Variants in CDC25A observed in about 807,000 individuals in gnomAD.
CDC25A encodes M-phase inducer phosphatase 1.
In CDC25A, 17 loss-of-function variants were observed where a neutral mutation model predicts 64.6. The ratio of observed to expected loss-of-function variants is 0.26; its 90% confidence interval spans 0.18 to 0.39. CDC25A has a LOEUF of 0.39. Ranked by LOEUF, CDC25A falls within the 10% of genes least tolerant of loss-of-function variation. The pLI is 1.00. For synonymous variants in CDC25A, 229 were observed against 238.6 expected, an observed-to-expected ratio of 0.96 and a Z score of 0.37; for missense variants, 473 against 654.8, an observed-to-expected ratio of 0.72 and a Z score of 3.03.
Position 48,186,719 on chromosome 3 carries a change from G to C in CDC25A, c.231C>G (p.Ser77=), listed in dbSNP as rs745725461. ...CTTAAATACCTGAATCTGTTGACTCGGAGGAGCCCATTCTCTGCAGATTAC... is the reference window on the plus strand; with the variant it reads ...CTTAAATACCTGAATCTGTTGACTCCGAGGAGCCCATTCTCTGCAGATTAC... ...NNSNLQRMGS[S]ESTDSGFCLD... The change falls in exon 2 of 15, where the codon TCC becomes TCG. Residue 77 remains serine (S), a synonymous_variant. Transcript: ENST00000302506. 1 of 1,598,612 alleles carries C rather than the reference G, an allele frequency of 6.3e-7. No homozygotes were observed. Among genetic ancestry groups the C allele is most frequent in the Admixed American group, 1.7e-5 (1 of 59,152 alleles).
rs1260848265 is a variant in CDC25A at position 48,165,824 on chromosome 3, G to A, written c.1092+7C>T. ...ATGTGTGGTGGGTTTCAAAAGGATG[G>A]ACTTACAATTTCTGGAGAGATGTAT... On this transcript the variant is annotated splice_region_variant and intron_variant, in intron 11 of 14. Transcript: ENST00000302506. 1.9e-6 allele frequency: 3 copies of A among 1,606,176 alleles called. No individual in the cohort carries two copies. The highest frequency in any genetic ancestry group is 2.6e-6 in the Non-Finnish European group (3 of 1,172,754).
rs1023272838 is a variant in CDC25A at position 48,158,963 on chromosome 3, A to G, written c.1557T>C (p.Ser519=). The G allele has an allele frequency of 8.7e-6, 14 of 1,613,950 alleles. No individual in the cohort carries two copies. Among genetic ancestry groups the G allele is most frequent in the Non-Finnish European group, 1.1e-5 (13 of 1,180,006 alleles). ...AGEKSKREMY[S]RLKKL is the part of the protein sequence containing the mutation. Reference sequence around the variant, plus strand: ...GCCGCCCTCAGAGCTTCTTCAGACGACTGTACATCTCCCTCTTGCTCTTCT... The same window carrying G: ...GCCGCCCTCAGAGCTTCTTCAGACGGCTGTACATCTCCCTCTTGCTCTTCT... Residue 519 remains serine, a synonymous_variant, in exon 15 of 15, where the codon AGT becomes AGC. Transcript: ENST00000302506.
At chr3:48,178,479 G>C (rs1167839410) in intron 6 of CDC25A, among the ~76,000 whole-genome samples, 4 of 152,220 alleles carry the variant, frequency 2.6e-5, no homozygotes, top group Non-Finnish European at 5.9e-5. Flanking sequence ...TCGTTCTTTA[G>C]ACTTGGGATT....
chr3:48,171,414 T>C (rs1247647551), intron 9 of CDC25A, among the ~76,000 whole-genome samples: 1 of 145,554 alleles, frequency 6.9e-6, no homozygotes, highest in African/African-American at 2.5e-5. Context: ...GAAATCTCAC[T>C]CTATCACCCA....
chr3:48,159,867 G>T (rs2031674198), intron 13 of CDC25A, among the ~76,000 whole-genome samples: 1 of 152,136 alleles, frequency 6.6e-6, no homozygotes, highest in South Asian at 2.1e-4. Flanking sequence ...GGCTGAACTT[G>T]CTCCTGCCTC....
intron 4 of CDC25A, 81 bp from the exon 5 acceptor site, chr3:48,183,111 G>C (rs376448256): frequency 2.1e-6 from 2 of 955,522 alleles, no homozygotes; most frequent in Admixed American, 1.9e-5. Context: ...AGAAAAAAAA[G>C]GGGGGTTGAA....
At chr3:48,186,470 G>A (rs2032847998) in intron 2 of CDC25A, among the ~76,000 whole-genome samples, 1 of 151,896 alleles carries the variant, frequency 6.6e-6, no homozygotes, top group Non-Finnish European at 1.5e-5. Flanking sequence ...TCGGGAGGCT[G>A]AGGCAGGAGA....
At chr3:48,176,888 T>C (rs2032482658) in intron 8 of CDC25A, among the ~76,000 whole-genome samples, 1 of 151,704 alleles carries the variant, frequency 6.6e-6, no homozygotes, top group South Asian at 2.1e-4. Context: ...GGAGAATCAC[T>C]TGAACCTGGG....
At chr3:48,174,686 T>A in intron 8 of CDC25A, 12 of 353,776 alleles carry the variant, frequency 3.4e-5, no homozygotes, top group East Asian at 4.8e-5. Flanking sequence ...TATATAGAGA[T>A]GAGCAAAACG....
At chr3:48,176,424 T>C (rs1158841346) in intron 8 of CDC25A, among the ~76,000 whole-genome samples, 2 of 151,210 alleles carry the variant, frequency 1.3e-5, no homozygotes. Context: ...ATTTTGAATA[T>C]ATATACACAC....
intron 10 of CDC25A, among the ~76,000 whole-genome samples, chr3:48,167,098 C>T (rs923621258): frequency 6.6e-5 from 10 of 152,184 alleles, no homozygotes; most frequent in African/African-American, 2.2e-4. Context: ...TTTATGTTTA[C>T]ACCTCACTAA....
At chr3:48,160,617 G>A (rs191913431) in intron 13 of CDC25A, among the ~76,000 whole-genome samples, 2 of 152,172 alleles carry the variant, frequency 1.3e-5, no homozygotes, top group African/African-American at 2.4e-5. Context: ...CACCATGTTG[G>A]CCAGGCTGGT....
intron 6 of CDC25A, among the ~76,000 whole-genome samples, chr3:48,179,375 A>G (rs1222500308): frequency 6.6e-6 from 1 of 152,126 alleles, no homozygotes; most frequent in Non-Finnish European, 1.5e-5. Context: ...GTACTTGGGA[A>G]TTTAGAGATT....
intron 14 of CDC25A, 123 bp downstream of exon 14, chr3:48,159,221 G>T: frequency 7.7e-7 from 1 of 1,290,870 alleles, no homozygotes; most frequent in Non-Finnish European, 1.1e-6. Flanking sequence ...GCTTTCTTTG[G>T]GTTCAGCAGA....
In CDC25A at chr3:48,186,830, G is replaced by A. The variant is rs754034032; in HGVS notation, c.171-51C>T. ...AATGATTTATAGGATATAATTAAAA[G>A]GTCACATGCAGGAGATAGGCCATGA... On this transcript the variant is annotated intron_variant, in intron 1 of 14. Coordinates refer to ENST00000302506, the MANE Select transcript of CDC25A (RefSeq NM_001789.3). 2.4e-6 allele frequency: 3 copies of A among 1,243,824 alleles called. No homozygotes were observed. In the African/African-American group the frequency reaches 4.4e-5, roughly 18 times the overall value. The allele number at this position is 1,243,824 out of a possible 1,614,324, so 77.0% of individuals were successfully genotyped here. A position where few individuals can be genotyped will look rare whatever the true frequency, so the allele number is the denominator to read the frequency against.
At chr3:48,165,134 A>AAAAAAAAAAT (rs2031952458) in intron 12 of CDC25A, among the ~76,000 whole-genome samples, 1 of 151,118 alleles carries the variant, frequency 6.6e-6, no homozygotes, top group Non-Finnish European at 1.5e-5. Context: ...AAAGATTAAA[A>AAAAAAAAAAT]TGGCAAAATC....
In CDC25A at chr3:48,158,320, T is replaced by C. The variant is rs745354537; in HGVS notation, c.*625A>G. On this transcript the variant is annotated 3_prime_UTR_variant, in exon 15 of 15. Coordinates refer to ENST00000302506, the MANE Select transcript of CDC25A (RefSeq NM_001789.3). ...GGGGGTGACAGAGCACCTAGCTTTC[T>C]GTCCGATAACTTATAACAGGTTTGC... is the stretch of plus-strand genomic sequence containing the variant. 2 of 152,408 alleles carry C rather than the reference T, an allele frequency of 1.3e-5. No individual in the cohort carries two copies. Among genetic ancestry groups the C allele is most frequent in the Non-Finnish European group, 2.9e-5 (2 of 68,002 alleles). 9.4% of individuals were successfully genotyped at this position (152,408 alleles called of 1,614,324 possible).
At position 48,187,961 on chromosome 3, in the gene CDC25A, C is replaced by A. The variant is rs536398892; in HGVS notation, c.-14G>T. On this transcript the variant is annotated 5_prime_UTR_variant, in exon 1 of 15. In the 5' UTR this introduces an upstream ATG that the reference lacks. Transcript: ENST00000302506. ...GCCCAGTTCCATGGCGGCGCCCGGC[C>A]TCGCAGAGCTCCCGCTCCCTCTTCC... 2 of 1,463,234 alleles carry A rather than the reference C, an allele frequency of 1.4e-6. No homozygotes were observed. The highest frequency in any genetic ancestry group is 5.7e-5 in the East Asian group (2 of 34,986). The allele number at this position is 1,463,234 out of a possible 1,614,324, so 90.6% of individuals were successfully genotyped here.
intron 8 of CDC25A, among the ~76,000 whole-genome samples, chr3:48,175,280 A>G (rs1034011967): frequency 9.9e-5 from 15 of 152,184 alleles, no homozygotes; most frequent in Non-Finnish European, 2.1e-4. Context: ...CCTGGGTGAC[A>G]GAGCAAGACT....
Sources: allele counts gnomAD v4.1 joint callset (sites outside exome capture counted in the v4.1 genomes callset), GRCh38; gene constraint gnomAD v4.1.1; transcripts MANE v1.5; gene names NCBI Gene and HGNC (gene_info 2026-07-23, HGNC 2026-07-21).